The following PRKCQ variants were observed in gnomAD, a reference collection of about 807,000 sequenced individuals.
The protein encoded by PRKCQ is protein kinase C theta, also known as protein kinase C theta type.
A neutral mutation model predicts 91.2 loss-of-function variants in PRKCQ; 41 were observed. The ratio of observed to expected loss-of-function variants is 0.45; its 90% confidence interval spans 0.35 to 0.58. The LOEUF (loss-of-function observed/expected upper bound fraction) is 0.58, where lower values mean the gene tolerates loss of function less well. Ranked by LOEUF, PRKCQ falls within the 20% of genes least tolerant of loss-of-function variation. PRKCQ has a pLI of 0.00. For synonymous variants in PRKCQ, 307 were observed against 316.9 expected (o/e 0.97, Z 0.33); for missense variants, 673 against 896.5 (o/e 0.75, Z 3.18).
chr10:6,516,942 T>C (rs1016586181), intron 1 of PRKCQ, among the ~76,000 whole-genome samples: 1 of 152,186 alleles, frequency 6.6e-6, no homozygotes, highest in African/African-American at 2.4e-5. Flanking sequence ...GATTTCTTAC[T>C]TAATAAGCAA....
chr10:6,438,586 T>G (rs1164921393), intron 16 of PRKCQ, among the ~76,000 whole-genome samples: 1 of 152,176 alleles, frequency 6.6e-6, no homozygotes, highest in Non-Finnish European at 1.5e-5. Flanking sequence ...TTCCTTTAGA[T>G]GTGCTAGACT....
chr10:6,525,527 C>G (rs1564374031), intron 1 of PRKCQ, among the ~76,000 whole-genome samples: 1 of 152,362 alleles, frequency 6.6e-6, no homozygotes, highest in Admixed American at 6.5e-5. Context: ...CCTTAGTGCT[C>G]TCTGTGGGGT....
At chr10:6,548,243 G>A (rs1840041849) in intron 1 of PRKCQ, among the ~76,000 whole-genome samples, 1 of 150,878 alleles carries the variant, frequency 6.6e-6, no homozygotes, top group South Asian at 2.1e-4. Flanking sequence ...ACAGGTGCTG[G>A]AGAGGATGTG....
At position 6,456,885 on chromosome 10, in the gene PRKCQ, G is replaced by A. The variant is rs558569232; in HGVS notation, c.1509-73C>T. 3.4e-5 allele frequency: 51 copies of A among 1,516,122 alleles called. No individual in the cohort carries two copies. In the East Asian group the frequency reaches 5.3e-4, roughly 16 times the overall value. 93.9% of individuals were successfully genotyped at this position (1,516,122 alleles called of 1,614,324 possible). ...GTTAACATAAAATTCCATAGGAGGC[G>A]AGGGAGTTTGTCTCATTGCAGCCTG... On this transcript the variant is annotated intron_variant, in intron 14 of 17. Coordinates refer to ENST00000263125, the MANE Select transcript of PRKCQ (RefSeq NM_006257.5).
intron 1 of PRKCQ, among the ~76,000 whole-genome samples, chr10:6,522,506 G>A (rs904728423): frequency 1.3e-5 from 2 of 152,164 alleles, no homozygotes; most frequent in African/African-American, 4.8e-5. Context: ...TAGAGATGCT[G>A]AGGATGTCCA....
At chr10:6,489,388 G>A (rs1444843589) in intron 8 of PRKCQ, 3 of 526,824 alleles carry the variant, frequency 5.7e-6, no homozygotes, top group Non-Finnish European at 1.2e-5. Flanking sequence ...CTAAGTCTTT[G>A]TTACTAACCT....
intron 8 of PRKCQ, chr10:6,489,476 A>G: frequency 1.9e-6 from 1 of 530,272 alleles, no homozygotes; most frequent in Non-Finnish European, 3.9e-6. Flanking sequence ...TTGTGGGGAG[A>G]AAGAGAAGGC....
At chr10:6,536,644 A>C (rs1235451941) in intron 1 of PRKCQ, among the ~76,000 whole-genome samples, 1 of 152,062 alleles carries the variant, frequency 6.6e-6, no homozygotes, top group Non-Finnish European at 1.5e-5. Flanking sequence ...TTCTTCTCCC[A>C]GGCAAAAATA....
In PRKCQ at chr10:6,479,094, C is replaced by CTCT; in HGVS notation, c.1250_1251insAGA (p.Leu417_Met418insGlu). ...TCGTGCACTCAACATCATCGTCCATCAAGACCACATCTTTCTTTAAGGCCT... is the reference window on the plus strand; with the variant it reads ...TCGTGCACTCAACATCATCGTCCATCTCTAAGACCACATCTTTCTTTAAGGCCT... On this transcript the variant is annotated inframe_insertion, in exon 12 of 18. Transcript: ENST00000263125. 6.2e-7 allele frequency: 1 copy of CTCT among 1,614,208 alleles called. No individual in the cohort carries two copies. The highest frequency in any genetic ancestry group is 1.1e-5 in the South Asian group (1 of 91,090).
chr10:6,464,651 T>G (rs1835543731), intron 12 of PRKCQ, among the ~76,000 whole-genome samples: 1 of 152,172 alleles, frequency 6.6e-6, no homozygotes, highest in African/African-American at 2.4e-5. Flanking sequence ...TTTCGCCATG[T>G]TAGCCAGGCT....
chr10:6,541,603 C>A (rs1839776952), intron 1 of PRKCQ, among the ~76,000 whole-genome samples: 1 of 152,116 alleles, frequency 6.6e-6, no homozygotes, highest in Admixed American at 6.6e-5. Context: ...TCTAATAATT[C>A]ATTAGTCTGG....
At chr10:6,437,328 A>C (rs1035627145) in intron 16 of PRKCQ, among the ~76,000 whole-genome samples, 6 of 150,966 alleles carry the variant, frequency 4.0e-5, no homozygotes, top group South Asian at 4.2e-4. Flanking sequence ...ACCAGAGTTT[A>C]TCTCTCTCTC....
chr10:6,579,051 C>T (rs1296175584), intron 1 of PRKCQ, among the ~76,000 whole-genome samples: 1 of 152,192 alleles, frequency 6.6e-6, no homozygotes, highest in Non-Finnish European at 1.5e-5. Context: ...GCCTCTCTCA[C>T]GGAGCCTCAC....
chr10:6,463,164 C>T (rs1183929400), intron 13 of PRKCQ, among the ~76,000 whole-genome samples: 2 of 152,252 alleles, frequency 1.3e-5, no homozygotes, highest in Non-Finnish European at 1.5e-5. Flanking sequence ...ACACTTACAG[C>T]CCATGAGGTG....
intron 4 of PRKCQ, among the ~76,000 whole-genome samples, chr10:6,502,027 C>A (rs745828651): frequency 2.0e-5 from 3 of 152,136 alleles, no homozygotes; most frequent in Non-Finnish European, 2.9e-5. Flanking sequence ...GTGAGTCCAG[C>A]TGAACAGTTC....
chr10:6,473,209 T>C (rs1258101069), intron 12 of PRKCQ, among the ~76,000 whole-genome samples: 1 of 152,122 alleles, frequency 6.6e-6, no homozygotes, highest in African/African-American at 2.4e-5. Context: ...TATGAAAAAA[T>C]GTAATCCTGC....
At chr10:6,536,310 G>T (rs944697388) in intron 1 of PRKCQ, among the ~76,000 whole-genome samples, 1 of 152,268 alleles carries the variant, frequency 6.6e-6, no homozygotes, top group East Asian at 1.9e-4. Flanking sequence ...GGATGTGATG[G>T]TGTCAAATCA....
intron 1 of PRKCQ, among the ~76,000 whole-genome samples, chr10:6,521,079 T>C (rs1838983305): frequency 6.6e-6 from 1 of 152,094 alleles, no homozygotes; most frequent in Admixed American, 6.5e-5. Flanking sequence ...AGAGACAGAG[T>C]GCCAGCGCCC....
At chr10:6,408,849 T>G in the PRKCQ span, among the ~76,000 whole-genome samples, 1 of 152,256 alleles carries the variant, frequency 6.6e-6, no homozygotes, top group African/African-American at 2.4e-5. Context: ...GCTCTCCATA[T>G]TCTTACACTG....
Sources: allele counts gnomAD v4.1 joint callset (sites outside exome capture counted in the v4.1 genomes callset), GRCh38; gene constraint gnomAD v4.1.1; transcripts MANE v1.5; gene names NCBI Gene and HGNC (gene_info 2026-07-23, HGNC 2026-07-21).